Variants in WBP4 observed in about 807,000 individuals in gnomAD.
WBP4 encodes WW domain-binding protein 4.
A neutral mutation model predicts 55.4 loss-of-function variants in WBP4; 37 were observed. The observed-to-expected ratio is 0.67, with a 90% confidence interval of 0.51 to 0.88. The LOEUF (loss-of-function observed/expected upper bound fraction) is 0.88, where lower values mean the gene tolerates loss of function less well. Ranked by LOEUF, WBP4 falls within the 40% of genes least tolerant of loss-of-function variation. The probability of loss-of-function intolerance (pLI) is 0.00; values close to 1 mark genes in which losing one functional copy is unlikely to be tolerated. For missense variants in WBP4, 398 were observed against 420.8 expected, an observed-to-expected ratio of 0.95 and a Z score of 0.47; for synonymous variants, 142 against 140.2, an observed-to-expected ratio of 1.01 and a Z score of -0.09.
intron 6 of WBP4, among the ~76,000 whole-genome samples, chr13:41,071,919 C>T (rs1649667377): frequency 6.6e-6 from 1 of 151,936 alleles, no homozygotes; most frequent in Non-Finnish European, 1.5e-5. Flanking sequence ...TCGCAGTTGC[C>T]TGTAATCCCA....
At chr13:41,062,229 C>T in intron 1 of WBP4, 5 of 984,098 alleles carry the variant, frequency 5.1e-6, no homozygotes, top group Non-Finnish European at 6.0e-6. Context: ...CAGTTTTCCC[C>T]AGAGTAGTCT....
Position 41,068,732 on chromosome 13 carries a change from C to T in WBP4, c.434C>T (p.Ser145Leu). 6.3e-7 allele frequency: 1 copy of T among 1,585,628 alleles called. No homozygotes were observed. Among genetic ancestry groups the T allele is most frequent in the Non-Finnish European group, 8.6e-7 (1 of 1,167,730 alleles). Residue 145 changes from serine to leucine, a missense_variant, in exon 5 of 10, where the codon TCA becomes TTA. Coordinates refer to ENST00000379487, the MANE Select transcript of WBP4 (RefSeq NM_007187.5). ...TACCATTACTATTATGATCTTATCT[C>T]AGGAGGTAAGTCATTTAGGCATAAA... ...EGYHYYYDLI[S>L]GASQWEKPEG...
chr13:41,071,634 T>G, intron 6 of WBP4, 61 bp downstream of exon 6: 1 of 1,490,628 alleles, frequency 6.7e-7, no homozygotes, highest in Non-Finnish European at 9.2e-7. Flanking sequence ...GTTTCTTAGG[T>G]TTTTGTAGAG....
At position 41,083,803 on chromosome 13, in the gene WBP4, C is replaced by T. The variant is rs1232128547; in HGVS notation, c.*889C>T. The T allele has an allele frequency of 6.6e-6, 1 of 152,158 alleles. No individual in the cohort carries two copies. The highest frequency in any genetic ancestry group is 1.5e-5 in the Non-Finnish European group (1 of 68,032). 9.4% of individuals were successfully genotyped at this position (152,158 alleles called of 1,614,324 possible). On this transcript the variant is annotated 3_prime_UTR_variant, in exon 10 of 10. Coordinates refer to ENST00000379487, the MANE Select transcript of WBP4 (RefSeq NM_007187.5). ...GTTTACTTAAATTAGTAATTTCTCACTTTCTGTCTGGTTAAAATGTCTTAA... is the reference window on the plus strand; with the variant it reads ...GTTTACTTAAATTAGTAATTTCTCATTTTCTGTCTGGTTAAAATGTCTTAA...
chr13:41,063,401 A>G (rs900792131), intron 2 of WBP4, among the ~76,000 whole-genome samples: 4 of 152,204 alleles, frequency 2.6e-5, no homozygotes, highest in South Asian at 4.1e-4. Flanking sequence ...TAGTAGTCTC[A>G]TATTTTAACA....
At chr13:41,068,165 C>CTCTTTTTTT (rs1878062163) in intron 4 of WBP4, among the ~76,000 whole-genome samples, 3 of 152,126 alleles carry the variant, frequency 2.0e-5, no homozygotes, top group African/African-American at 7.2e-5. Flanking sequence ...ACGTTGTACC[C>CTCTTTTTTT]AGTAGGTAAT....
At chr13:41,077,092 C>A (rs1434814033) in intron 8 of WBP4, among the ~76,000 whole-genome samples, 1 of 152,130 alleles carries the variant, frequency 6.6e-6, no homozygotes, top group African/African-American at 2.4e-5. Context: ...CAAACTGAAT[C>A]CAGCAGTACA....
chr13:41,077,688 T>G (rs993795522), intron 8 of WBP4, among the ~76,000 whole-genome samples: 1 of 152,062 alleles, frequency 6.6e-6, no homozygotes, highest in Non-Finnish European at 1.5e-5. Context: ...AAAGAGGAAG[T>G]CAAACTATCT....
intron 4 of WBP4, among the ~76,000 whole-genome samples, chr13:41,068,173 A>G (rs1878063083): frequency 2.6e-5 from 4 of 152,080 alleles, no homozygotes; most frequent in African/African-American, 9.7e-5. Flanking sequence ...CCCAGTAGGT[A>G]ATTTGAAAAC....
chr13:41,068,628 GAAAGA>G lies in WBP4; in HGVS notation c.338_342del (p.Lys113ArgfsTer21). 1.2e-6 allele frequency: 2 copies of G among 1,611,528 alleles called. No individual in the cohort carries two copies. The highest frequency in any genetic ancestry group is 1.7e-6 in the Non-Finnish European group (2 of 1,179,354). ...CACCTACCTCGACATCAAATCAACA[GAAAGA>G]AAAGAAAGAAAAGAAGAAAAGAAAA... On this transcript the variant is annotated frameshift_variant, in exon 5 of 10. Transcript: ENST00000379487. LOFTEE classifies it high-confidence loss of function.
intron 6 of WBP4, 47 bp downstream of exon 6, chr13:41,071,620 A>C (rs778326916): frequency 6.5e-7 from 1 of 1,531,408 alleles, no homozygotes; most frequent in South Asian, 1.2e-5. Flanking sequence ...CTTTACAGTG[A>C]TTCGTTTCTT....
At chr13:41,078,749 C>A (rs1878617996) in intron 8 of WBP4, among the ~76,000 whole-genome samples, 1 of 151,982 alleles carries the variant, frequency 6.6e-6, no homozygotes, top group African/African-American at 2.4e-5. Flanking sequence ...ATCGCTTGAA[C>A]CTGGGAGGCG....
chr13:41,071,495 G>A, intron 5 of WBP4, 32 bp from the exon 6 acceptor site: 1 of 1,578,478 alleles, frequency 6.3e-7, no homozygotes, highest in Non-Finnish European at 8.6e-7. Flanking sequence ...AAAGCAAAAA[G>A]ATTTTATAAA....
In WBP4 at chr13:41,080,876, T is replaced by C. The variant is rs180741493; in HGVS notation, c.920+67T>C. On this transcript the variant is annotated intron_variant, in intron 9 of 9. Coordinates refer to ENST00000379487, the MANE Select transcript of WBP4 (RefSeq NM_007187.5). ...TTTTACATCCCAGTACTTCCCTAAA[T>C]TGCAGTAAGTAATTTCAAGGATGCT... is the stretch of plus-strand genomic sequence containing the variant. 241 of 1,485,948 alleles carry C rather than the reference T, an allele frequency of 1.6e-4. 1 individual carries two copies. The East Asian group carries it at 5.1e-3, about 32-fold the overall frequency. 92.0% of individuals were successfully genotyped at this position (1,485,948 alleles called of 1,614,324 possible).
intron 4 of WBP4, among the ~76,000 whole-genome samples, chr13:41,067,011 G>A (rs972858487): frequency 6.6e-6 from 1 of 152,046 alleles, no homozygotes; most frequent in African/African-American, 2.4e-5. Flanking sequence ...TTTTTTTGAA[G>A]ACAGGTCTCG....
intron 8 of WBP4, among the ~76,000 whole-genome samples, chr13:41,077,533 C>T (rs969054729): frequency 3.3e-5 from 5 of 151,988 alleles, no homozygotes; most frequent in Admixed American, 6.6e-5. Flanking sequence ...ACACAGCCAA[C>T]GTTATACTGA....
intron 7 of WBP4, among the ~76,000 whole-genome samples, chr13:41,074,133 A>G (rs1371209471): frequency 6.6e-6 from 1 of 151,962 alleles, no homozygotes; most frequent in Non-Finnish European, 1.5e-5. Flanking sequence ...GGGTTTCACC[A>G]TGTTAGTCAG....
chr13:41,068,465 T>C (rs1404519286), intron 4 of WBP4, 96 bp from the exon 5 acceptor site: 5 of 1,198,006 alleles, frequency 4.2e-6, no homozygotes, highest in Admixed American at 2.8e-5. Context: ...AAGAACCTTA[T>C]CAGGTTTTTG....
At chr13:41,062,760 G>T in intron 2 of WBP4, 44 bp downstream of exon 2, 1 of 1,545,540 alleles carries the variant, frequency 6.5e-7, no homozygotes, top group South Asian at 1.2e-5. Flanking sequence ...TAATTGTGTT[G>T]AATGAAGTGC....
Sources: gnomAD v4.1 joint callset for allele counts (sites outside exome capture counted in the v4.1 genomes callset) on GRCh38, gnomAD v4.1.1 for gene constraint, MANE v1.5 for transcripts, NCBI Gene and HGNC (gene_info 2026-07-23, HGNC 2026-07-21) for gene names.